PRKG1: variants seen among roughly 807,000 people sequenced by gnomAD.
PRKG1 encodes protein kinase cGMP-dependent 1.
In PRKG1, 35 loss-of-function variants were observed where a neutral mutation model predicts 88.1. That is an observed-to-expected ratio of 0.40 (90% CI 0.30 to 0.53). The LOEUF (loss-of-function observed/expected upper bound fraction) is 0.53, where lower values mean the gene tolerates loss of function less well. PRKG1 is among the 20% of genes least tolerant of loss of function. The pLI, the probability that PRKG1 is intolerant of heterozygous loss-of-function variation, is 0.59. For missense variants in PRKG1, 540 were observed against 839.8 expected (o/e 0.64, Z 4.41); for synonymous variants, 303 against 292.5 (o/e 1.04, Z -0.37).
intron 9 of PRKG1, among the ~76,000 whole-genome samples, chr10:52,244,597 T>C (rs1840955863): frequency 6.6e-6 from 1 of 150,638 alleles, no homozygotes. Flanking sequence ...CGTGAAAATA[T>C]CTTTTATTGG....
At chr10:51,201,886 T>C (rs1340826190) in intron 2 of PRKG1, among the ~76,000 whole-genome samples, 1 of 152,252 alleles carries the variant, frequency 6.6e-6, no homozygotes, top group Non-Finnish European at 1.5e-5. Context: ...AGTACTTTGT[T>C]ATAATACCCC....
intron 5 of PRKG1, among the ~76,000 whole-genome samples, chr10:52,028,268 T>A (rs1845393376): frequency 6.6e-6 from 1 of 152,182 alleles, no homozygotes; most frequent in South Asian, 2.1e-4. Flanking sequence ...ACTTTTCAGA[T>A]GTGTACAGCT....
intron 2 of PRKG1, among the ~76,000 whole-genome samples, chr10:51,181,844 C>T (rs887157087): frequency 1.3e-5 from 2 of 152,156 alleles, no homozygotes; most frequent in East Asian, 1.9e-4. Context: ...TCTTAATCTC[C>T]CTATGACATT....
At chr10:51,827,206 C>T (rs1356038045) in intron 4 of PRKG1, among the ~76,000 whole-genome samples, 3 of 151,960 alleles carry the variant, frequency 2.0e-5, no homozygotes, top group Non-Finnish European at 2.9e-5. Flanking sequence ...TTGCATACAG[C>T]CATTTTCGTA....
chr10:51,854,681 A>G (rs1449638172), intron 4 of PRKG1, among the ~76,000 whole-genome samples: 6 of 152,218 alleles, frequency 3.9e-5, no homozygotes, highest in African/African-American at 1.4e-4. Flanking sequence ...ATTAGTTTAT[A>G]TAGGCTTAGA....
chr10:51,152,414 T>C (rs1049009835), intron 1 of PRKG1, among the ~76,000 whole-genome samples: 5 of 152,092 alleles, frequency 3.3e-5, no homozygotes, highest in African/African-American at 4.8e-5. Context: ...AAAGAACTGT[T>C]GCATTTCTAC....
chr10:51,766,307 T>C (rs1226405977), intron 3 of PRKG1, among the ~76,000 whole-genome samples: 1 of 152,182 alleles, frequency 6.6e-6, no homozygotes, highest in Admixed American at 6.5e-5. Flanking sequence ...CACCCTGTCC[T>C]CCTAGTGCGC....
At chr10:51,240,802 G>T (rs1342691835) in intron 2 of PRKG1, among the ~76,000 whole-genome samples, 2 of 152,124 alleles carry the variant, frequency 1.3e-5, no homozygotes, top group South Asian at 4.1e-4. Flanking sequence ...GGAATAAAAG[G>T]CTGGGACAAT....
chr10:52,272,943 G>A (rs1841771452), intron 12 of PRKG1, among the ~76,000 whole-genome samples: 1 of 151,714 alleles, frequency 6.6e-6, no homozygotes, highest in Non-Finnish European at 1.5e-5. Context: ...CCTTTACATG[G>A]CTCTTTGGTT....
intron 3 of PRKG1, among the ~76,000 whole-genome samples, chr10:51,501,377 G>A (rs769151267): frequency 1.3e-5 from 2 of 152,048 alleles, no homozygotes; most frequent in African/African-American, 2.4e-5. Flanking sequence ...TCATAATTTC[G>A]AAGTTCAGGG....
chr10:51,792,700 T>G (rs1324272230), intron 3 of PRKG1, among the ~76,000 whole-genome samples: 1 of 152,096 alleles, frequency 6.6e-6, no homozygotes, highest in Non-Finnish European at 1.5e-5. Flanking sequence ...GATTTTTTAT[T>G]GGCACATGTG....
intron 1 of PRKG1, among the ~76,000 whole-genome samples, chr10:51,118,761 A>G (rs1431328201): frequency 1.3e-5 from 2 of 152,138 alleles, no homozygotes; most frequent in East Asian, 3.8e-4. Context: ...TCTCTGCAGA[A>G]TATTCTATTT....
At chr10:51,104,384 T>C (rs1458822157) in intron 1 of PRKG1, among the ~76,000 whole-genome samples, 1 of 152,218 alleles carries the variant, frequency 6.6e-6, no homozygotes, top group African/African-American at 2.4e-5. Flanking sequence ...TTAAACTGTA[T>C]ATTGTGATAC....
chr10:51,666,835 C>G (rs1031655022), intron 3 of PRKG1, among the ~76,000 whole-genome samples: 1 of 151,898 alleles, frequency 6.6e-6, no homozygotes, highest in African/African-American at 2.4e-5. Flanking sequence ...CTCTTTGTCA[C>G]CCAGGCTGGA....
intron 9 of PRKG1, among the ~76,000 whole-genome samples, chr10:52,223,392 A>T (rs1464250924): frequency 6.6e-6 from 1 of 152,122 alleles, no homozygotes; most frequent in Non-Finnish European, 1.5e-5. Context: ...CATTTTCTTC[A>T]CTTGGGTACT....
intron 1 of PRKG1, among the ~76,000 whole-genome samples, chr10:51,127,868 A>G (rs962473773): frequency 6.6e-6 from 1 of 152,146 alleles, no homozygotes; most frequent in African/African-American, 2.4e-5. Context: ...ACAGAAAACC[A>G]AACACCACAT....
At chr10:51,962,170 G>A (rs1359332624) in intron 5 of PRKG1, among the ~76,000 whole-genome samples, 1 of 152,146 alleles carries the variant, frequency 6.6e-6, no homozygotes, top group Non-Finnish European at 1.5e-5. Context: ...CGGGAAGAAT[G>A]ATTCTTAAAA....
intron 5 of PRKG1, among the ~76,000 whole-genome samples, chr10:52,019,905 G>A (rs1040604515): frequency 2.0e-5 from 3 of 152,124 alleles, no homozygotes; most frequent in African/African-American, 7.2e-5. Context: ...TTAAATTCTT[G>A]TTACTTGTAT....
intron 5 of PRKG1, among the ~76,000 whole-genome samples, chr10:52,040,956 C>G (rs1200364482): frequency 6.6e-5 from 10 of 150,394 alleles, no homozygotes; most frequent in Non-Finnish European, 1.2e-4. Flanking sequence ...CCTGCCTCAG[C>G]CTTCTGAGTA....
Sources: allele counts gnomAD v4.1 joint callset (sites outside exome capture counted in the v4.1 genomes callset), GRCh38; gene constraint gnomAD v4.1.1; transcripts MANE v1.5; gene names NCBI Gene and HGNC (gene_info 2026-07-23, HGNC 2026-07-21).